SLIT3: variants seen among roughly 807,000 people sequenced by gnomAD.
The protein encoded by SLIT3 is slit guidance ligand 3, also known as slit homolog 3 protein.
SLIT3 carries 68 observed loss-of-function variants against 184.0 expected under a neutral mutation model. The observed-to-expected ratio is 0.37, with a 90% CI of 0.30 to 0.45. SLIT3 has a LOEUF of 0.45. Ranked by LOEUF, SLIT3 falls within the 20% of genes least tolerant of loss-of-function variation. SLIT3 has a pLI of 1.00. For missense variants in SLIT3, 1,707 were observed against 2,026.0 expected, an observed-to-expected ratio of 0.84 and a Z score of 3.02; for synonymous variants, 831 against 828.6, an observed-to-expected ratio of 1.00 and a Z score of -0.05.
At chr5:169,192,620 C>T (rs189844175) in intron 4 of SLIT3, among the ~76,000 whole-genome samples, 3 of 152,126 alleles carry the variant, frequency 2.0e-5, no homozygotes, top group African/African-American at 4.8e-5. Flanking sequence ...GTGGCCACAA[C>T]GTTGGAGCCT....
intron 4 of SLIT3, among the ~76,000 whole-genome samples, chr5:168,918,473 C>A (rs1761521417): frequency 6.6e-6 from 1 of 152,232 alleles, no homozygotes; most frequent in Non-Finnish European, 1.5e-5. Flanking sequence ...AGGGCCCCAG[C>A]CTGTTTGTCA....
rs35984907 is a variant in SLIT3 at position 168,752,388 on chromosome 5, G to GTT, written c.1973+565_1973+566dup. On this transcript the variant is annotated intron_variant, in intron 18 of 35. Transcript: ENST00000519560. ...CCAGTGTTTCTCAACAAAGCCCCTG[G>GTT]TTTTTTTTTTTTTTTTTTTTTTTTG... The GTT allele has an allele frequency of 1.6e-3, 171 of 109,718 alleles. 1 individual carries two copies. Among genetic ancestry groups the GTT allele is most frequent in the East Asian group, 6.8e-3 (23 of 3,388 alleles). The allele number at this position is 109,718 out of a possible 1,614,324, so 6.8% of individuals were successfully genotyped here. A position where few individuals can be genotyped will look rare whatever the true frequency, so the allele number is the denominator to read the frequency against.
At chr5:169,085,948 G>C (rs954270455) in intron 4 of SLIT3, among the ~76,000 whole-genome samples, 3 of 152,152 alleles carry the variant, frequency 2.0e-5, no homozygotes, top group Non-Finnish European at 4.4e-5. Context: ...GCACCAGCCT[G>C]CAGCGGCAAG....
intron 20 of SLIT3, 39 bp from the exon 21 acceptor site, chr5:168,724,523 C>T (rs1763045062): frequency 3.8e-6 from 6 of 1,569,522 alleles, no homozygotes; most frequent in Non-Finnish European, 5.2e-6. Context: ...GAGAAAGAGA[C>T]ACTGTACAAA....
chr5:168,712,572 G>A (rs1762592004), intron 23 of SLIT3: 2 of 551,556 alleles, frequency 3.6e-6, no homozygotes, highest in Admixed American at 6.4e-5. Flanking sequence ...GGAAGAAGGG[G>A]GTGGACTTTT....
At chr5:168,801,556 C>A (rs1756767232) in intron 9 of SLIT3, among the ~76,000 whole-genome samples, 1 of 152,132 alleles carries the variant, frequency 6.6e-6, no homozygotes, top group Non-Finnish European at 1.5e-5. Flanking sequence ...ACACGGGATA[C>A]CACCATGGGG....
chr5:168,667,701 C>T (rs1761101289), intron 35 of SLIT3: 1 of 152,234 alleles, frequency 6.6e-6, no homozygotes, highest in African/African-American at 2.4e-5. Flanking sequence ...ACACATTTAC[C>T]TGTCCTTCCA....
At chr5:169,144,637 G>A (rs1291329683) in intron 4 of SLIT3, among the ~76,000 whole-genome samples, 1 of 152,214 alleles carries the variant, frequency 6.6e-6, no homozygotes, top group African/African-American at 2.4e-5. Context: ...TGAATCCTCA[G>A]GAAGGGTCTG....
At chr5:169,247,105 A>G (rs1378161608) in intron 2 of SLIT3, among the ~76,000 whole-genome samples, 3 of 150,886 alleles carry the variant, frequency 2.0e-5, no homozygotes, top group African/African-American at 7.3e-5. Context: ...AATCCCAGCT[A>G]CTTAGGAGGC....
At chr5:168,902,824 G>T (rs900082013) in intron 4 of SLIT3, among the ~76,000 whole-genome samples, 5 of 152,326 alleles carry the variant, frequency 3.3e-5, no homozygotes, top group African/African-American at 1.2e-4. Context: ...ACATGAATTT[G>T]AGAAGCAGAT....
chr5:169,181,022 A>C (rs1011037608), intron 4 of SLIT3, among the ~76,000 whole-genome samples: 1 of 152,190 alleles, frequency 6.6e-6, no homozygotes, highest in Non-Finnish European at 1.5e-5. Flanking sequence ...GTAATAATTT[A>C]CTGTCTCTGA....
chr5:168,884,106 T>C (rs1760072072), intron 4 of SLIT3, among the ~76,000 whole-genome samples: 1 of 151,880 alleles, frequency 6.6e-6, no homozygotes, highest in African/African-American at 2.4e-5. Context: ...ATGGGCTGTT[T>C]TTTTTTTTTG....
chr5:169,031,213 C>T (rs1022489146), intron 4 of SLIT3, among the ~76,000 whole-genome samples: 6 of 152,174 alleles, frequency 3.9e-5, no homozygotes, highest in African/African-American at 1.4e-4. Flanking sequence ...GTGAAAACTG[C>T]ACTTTGTCCT....
chr5:168,736,321 G>C (rs527596420), intron 20 of SLIT3, among the ~76,000 whole-genome samples: 1 of 152,324 alleles, frequency 6.6e-6, no homozygotes, highest in South Asian at 2.1e-4. Context: ...CATCTGCTGA[G>C]GTCTTCTCTG....
intron 4 of SLIT3, among the ~76,000 whole-genome samples, chr5:169,137,568 G>A (rs1050563661): frequency 1.7e-4 from 26 of 151,764 alleles, no homozygotes; most frequent in South Asian, 8.3e-4. Context: ...CCTGGCTTAC[G>A]TCCCTTCATC....
chr5:168,980,874 T>C (rs780870425), intron 4 of SLIT3, among the ~76,000 whole-genome samples: 1 of 152,156 alleles, frequency 6.6e-6, no homozygotes, highest in Non-Finnish European at 1.5e-5. Flanking sequence ...TGTGGGAAAA[T>C]GTTTACGATG....
Position 168,692,677 on chromosome 5 carries a change from C to G in SLIT3, c.3106G>C (p.Asp1036His). The change falls in exon 29 of 36, where the codon GAC becomes CAC. Residue 1036 changes from aspartate (D) to histidine (H), a missense_variant. Around this residue, in one of 3 missense-constraint regions of SLIT3, gnomAD observed 1,307 missense variants for 1,511.6 expected, o/e 0.86. Transcript: ENST00000519560. ...YTGELCDEVI[D>H]HCVPELNLCQ... Reference sequence around the variant, plus strand: ...AGGTTCAGCTCAGGCACACAGTGGTCAATCACCTCGTCGCATAGCTCACCT... The same window carrying G: ...AGGTTCAGCTCAGGCACACAGTGGTGAATCACCTCGTCGCATAGCTCACCT... 6.2e-7 allele frequency: 1 copy of G among 1,613,996 alleles called. No homozygotes were observed.
At chr5:169,273,129 A>G (rs1180635325) in intron 1 of SLIT3, among the ~76,000 whole-genome samples, 1 of 152,124 alleles carries the variant, frequency 6.6e-6, no homozygotes, top group East Asian at 1.9e-4. Context: ...AAGGCCTTGC[A>G]ACAGCCATAC....
Position 169,194,819 on chromosome 5 carries a change from T to C in SLIT3, c.342-1269A>G, listed in dbSNP as rs116236495. 4.5e-3 allele frequency among the ~76,000 whole-genome samples: 686 copies of C among 152,236 alleles called. 4 individuals are homozygous for C. Among genetic ancestry groups the C allele is most frequent in the Middle Eastern group, 0.02 (6 of 294 alleles). On this transcript the variant is annotated intron_variant, in intron 3 of 35. Coordinates refer to ENST00000519560, the MANE Select transcript of SLIT3 (RefSeq NM_003062.4). The stretch of plus-strand genomic sequence containing the variant: ...CAATGCTAAACACCCACAGAAAGGC[T>C]ACCTGAGTTTTTAAGTGACACAGAG...
Sources: gnomAD v4.1 joint callset for allele counts (sites outside exome capture counted in the v4.1 genomes callset) on GRCh38, gnomAD v4.1.1 for gene constraint, gnomAD v4.1.1 regional missense constraint, MANE v1.5 for transcripts, NCBI Gene and HGNC (gene_info 2026-07-23, HGNC 2026-07-21) for gene names.